PRKCB: variants seen among roughly 807,000 people sequenced by gnomAD.
PRKCB encodes the protein protein kinase C beta, also known as protein kinase C beta type.
In PRKCB, 13 loss-of-function variants were observed where a neutral mutation model predicts 81.5. The observed-to-expected ratio is 0.16, with a 90% CI of 0.10 to 0.25. PRKCB has a LOEUF of 0.25. PRKCB is among the 10% of genes least tolerant of loss of function. The pLI, the probability that PRKCB is intolerant of heterozygous loss-of-function variation, is 1.00. For synonymous variants in PRKCB, 335 were observed against 321.4 expected, an observed-to-expected ratio of 1.04 and a Z score of -0.45; for missense variants, 509 against 875.7, an observed-to-expected ratio of 0.58 and a Z score of 5.29.
intron 2 of PRKCB, among the ~76,000 whole-genome samples, chr16:23,913,726 G>T (rs2141736283): frequency 6.6e-6 from 1 of 152,338 alleles, no homozygotes; most frequent in South Asian, 2.1e-4. Flanking sequence ...TTCTGGCTCA[G>T]TGCAGGAAGG....
chr16:24,098,971 G>A (rs183977304), intron 7 of PRKCB: 2 of 152,124 alleles, frequency 1.3e-5, no homozygotes, highest in East Asian at 1.9e-4. Flanking sequence ...GACTTTGCAG[G>A]GTGTACATCA....
chr16:24,211,238 C>T (rs1968133551), intron 16 of PRKCB, among the ~76,000 whole-genome samples: 1 of 152,180 alleles, frequency 6.6e-6, no homozygotes, highest in African/African-American at 2.4e-5. Flanking sequence ...TTTAAAAATT[C>T]AAGACTGTTT....
In PRKCB at chr16:23,870,983, G is replaced by A. The variant is rs566990514; in HGVS notation, c.205+33577G>A. On this transcript the variant is annotated intron_variant, in intron 2 of 16. Coordinates refer to ENST00000643927, the MANE Select transcript of PRKCB (RefSeq NM_002738.7). ...TGGAGCAATAGGGGGCCTGGACCCC[G>A]TGGGTCTCCTTTTCCAGCAGGCCAC... 2.3e-4 allele frequency among the ~76,000 whole-genome samples: 35 copies of A among 152,306 alleles called. No individual in the cohort carries two copies. In the South Asian group the frequency reaches 5.6e-3, roughly 24 times the overall value.
intron 5 of PRKCB, among the ~76,000 whole-genome samples, chr16:24,059,749 C>T (rs1187661922): frequency 6.6e-6 from 1 of 152,040 alleles, no homozygotes; most frequent in Non-Finnish European, 1.5e-5. Context: ...GTCATAGAAG[C>T]CAAGGGAAGA....
chr16:24,100,627 C>T (rs903388760), intron 7 of PRKCB, among the ~76,000 whole-genome samples: 4 of 152,202 alleles, frequency 2.6e-5, no homozygotes, highest in Non-Finnish European at 5.9e-5. Context: ...CTCTCCCCAC[C>T]ACCTGTCCTT....
At chr16:23,867,144 C>T (rs192224306) in intron 2 of PRKCB, among the ~76,000 whole-genome samples, 28 of 146,458 alleles carry the variant, frequency 1.9e-4, no homozygotes, top group Admixed American at 1.9e-3. Context: ...TCCTTTCTTA[C>T]TTTCCGAGTC....
chr16:24,164,001 G>A (rs1455767391), intron 10 of PRKCB, among the ~76,000 whole-genome samples: 8 of 152,306 alleles, frequency 5.3e-5, no homozygotes, highest in Admixed American at 2.6e-4. Context: ...GCTTCCAGAC[G>A]GGATGAATCC....
chr16:23,844,047 T>C (rs1364778713), intron 2 of PRKCB, among the ~76,000 whole-genome samples: 2 of 152,240 alleles, frequency 1.3e-5, no homozygotes, highest in Non-Finnish European at 2.9e-5. Flanking sequence ...CTTTTGCTAC[T>C]TTTCAGATAC....
intron 5 of PRKCB, among the ~76,000 whole-genome samples, chr16:24,077,701 G>A (rs1966197989): frequency 6.6e-6 from 1 of 152,174 alleles, no homozygotes; most frequent in African/African-American, 2.4e-5. Flanking sequence ...CATCTGCTGG[G>A]ACCCCTTCTA....
intron 3 of PRKCB, among the ~76,000 whole-genome samples, chr16:23,996,365 T>C (rs1009407862): frequency 6.6e-6 from 1 of 152,164 alleles, no homozygotes; most frequent in Non-Finnish European, 1.5e-5. Flanking sequence ...AGGTTATGCA[T>C]GGGCTCAGCA....
intron 5 of PRKCB, among the ~76,000 whole-genome samples, chr16:24,073,617 G>A (rs375369188): frequency 6.6e-6 from 1 of 152,216 alleles, no homozygotes; most frequent in South Asian, 2.1e-4. Context: ...TTACAGGTGT[G>A]AGCCATTGCG....
chr16:23,932,737 C>T (rs1396355002), intron 2 of PRKCB, among the ~76,000 whole-genome samples: 1 of 152,248 alleles, frequency 6.6e-6, no homozygotes, highest in Non-Finnish European at 1.5e-5. Context: ...GCCTTGGTTC[C>T]TGACAATCCT....
intron 3 of PRKCB, among the ~76,000 whole-genome samples, chr16:24,030,320 C>T (rs1369792697): frequency 6.6e-6 from 1 of 151,792 alleles, no homozygotes. Context: ...TTACAAAGGG[C>T]ATGGTCTGTT....
intron 2 of PRKCB, among the ~76,000 whole-genome samples, chr16:23,944,004 G>T (rs954043282): frequency 1.1e-4 from 17 of 152,124 alleles, no homozygotes; most frequent in African/African-American, 3.9e-4. Flanking sequence ...GCTCATGATT[G>T]GTTTGGTCTG....
intron 2 of PRKCB, among the ~76,000 whole-genome samples, chr16:23,902,728 T>TCCTCCCTCCCTCCCCC (rs1482776399): frequency 9.8e-5 from 2 of 20,340 alleles, no homozygotes; most frequent in African/African-American, 2.4e-4. Context: ...CTCCCTCCCT[T>TCCTCCCTCCCTCCCCC]CCTCCCTTCC....
chr16:24,200,066 G>T (rs564356424), intron 16 of PRKCB, among the ~76,000 whole-genome samples: 1 of 152,066 alleles, frequency 6.6e-6, no homozygotes, highest in Non-Finnish European at 1.5e-5. Flanking sequence ...TTTATAATTC[G>T]TTGTCAGGAT....
chr16:24,116,233 C>T (rs546284707), intron 8 of PRKCB, among the ~76,000 whole-genome samples: 11 of 151,928 alleles, frequency 7.2e-5, no homozygotes, highest in Non-Finnish European at 1.5e-4. Flanking sequence ...AACAAACTAT[C>T]AAGTTTGTTC....
At chr16:24,058,430 A>C (rs571616901) in intron 5 of PRKCB, among the ~76,000 whole-genome samples, 1 of 152,092 alleles carries the variant, frequency 6.6e-6, no homozygotes, top group Non-Finnish European at 1.5e-5. Flanking sequence ...TAAAAAAAAA[A>C]ACCAAAAACG....
chr16:24,080,064 G>T (rs553937804), intron 5 of PRKCB, among the ~76,000 whole-genome samples: 3 of 152,194 alleles, frequency 2.0e-5, no homozygotes, highest in African/African-American at 7.2e-5. Context: ...ATTTTTGTTT[G>T]AAGAGTGTGC....
Sources: gnomAD v4.1 joint callset for allele counts (sites outside exome capture counted in the v4.1 genomes callset) on GRCh38, gnomAD v4.1.1 for gene constraint, MANE v1.5 for transcripts, NCBI Gene and HGNC (gene_info 2026-07-23, HGNC 2026-07-21) for gene names.